The following KIFC3 variants were observed in gnomAD, a reference collection of about 807,000 sequenced individuals.
KIFC3 encodes kinesin family member C3.
Under a neutral mutation model 101.8 loss-of-function variants are expected in KIFC3, and 60 were observed. That is an observed-to-expected ratio of 0.59 (90% CI 0.48 to 0.73). The LOEUF (loss-of-function observed/expected upper bound fraction) is 0.73, where lower values mean the gene tolerates loss of function less well. KIFC3 is among the 30% of genes least tolerant of loss of function. KIFC3 has a pLI of 0.00. For missense variants in KIFC3, 966 were observed against 1,137.1 expected, an observed-to-expected ratio of 0.85 and a Z score of 2.16; for synonymous variants, 476 against 482.7, an observed-to-expected ratio of 0.99 and a Z score of 0.18.
chr16:57,846,699 G>A (rs1239757841), intron 1 of KIFC3, among the ~76,000 whole-genome samples: 5 of 152,320 alleles, frequency 3.3e-5, no homozygotes, highest in African/African-American at 7.2e-5. Flanking sequence ...CTGTACAACC[G>A]ATCCACTTTC....
intron 1 of KIFC3, among the ~76,000 whole-genome samples, chr16:57,833,895 G>A (rs2055634453): frequency 7.9e-6 from 1 of 126,324 alleles, no homozygotes; most frequent in Non-Finnish European, 1.6e-5. Flanking sequence ...TTGAGTCTGA[G>A]TCTTGCTCTG....
chr16:57,813,710 C>T (rs1372411569), intron 1 of KIFC3: 11 of 984,402 alleles, frequency 1.1e-5, no homozygotes, highest in African/African-American at 3.5e-5. Flanking sequence ...TCCCTGCACC[C>T]GGGCACCACT....
chr16:57,770,680 C>T lies in KIFC3; in HGVS notation c.786G>A (p.Glu262=). 2 of 1,530,090 alleles carry T rather than the reference C, an allele frequency of 1.3e-6. No individual in the cohort carries two copies. The highest frequency in any genetic ancestry group is 1.8e-6 in the Non-Finnish European group (2 of 1,136,622). The allele number at this position is 1,530,090 out of a possible 1,614,324, so 94.8% of individuals were successfully genotyped here. The change falls in exon 7 of 20, where the codon GAG becomes GAA. Residue 262 remains glutamate (E), a synonymous_variant. Coordinates refer to ENST00000445690, the MANE Select transcript of KIFC3 (RefSeq NM_001130100.2). ...CCTGCTTGGTCTTGGACGACTCCAC[C>T]TCCACTGTCTTGATGACATACTGCA... The part of the protein sequence containing the change: ...PPVKYVIKTV[E]VESSKTKQAL...
At chr16:57,776,207 T>G in intron 3 of KIFC3, 1 of 985,512 alleles carries the variant, frequency 1.0e-6, no homozygotes, top group Non-Finnish European at 1.2e-6. Context: ...GCTGCTGAGC[T>G]GGGAAGGCCA....
chr16:57,828,682 G>A (rs1218495728), intron 1 of KIFC3, among the ~76,000 whole-genome samples: 2 of 152,180 alleles, frequency 1.3e-5, no homozygotes, highest in African/African-American at 4.8e-5. Context: ...TTATGATGCT[G>A]GAGCAGGAAG....
At chr16:57,814,745 C>T (rs940758202) in intron 1 of KIFC3, among the ~76,000 whole-genome samples, 3 of 152,042 alleles carry the variant, frequency 2.0e-5, no homozygotes, top group Admixed American at 6.6e-5. Flanking sequence ...CGTGTCTCAG[C>T]GTCCCAAGTA....
At chr16:57,759,215 C>A in intron 18 of KIFC3, 62 bp from the exon 19 acceptor site, 3 of 1,537,182 alleles carry the variant, frequency 2.0e-6, no homozygotes, top group South Asian at 1.2e-5. Context: ...CCCCACAAGA[C>A]CCTGCTGCTG....
intron 1 of KIFC3, among the ~76,000 whole-genome samples, chr16:57,833,207 AAT>A (rs148991422): frequency 0.18 from 27,196 of 148,884 alleles, 2,688 homozygotes; most frequent in African/African-American, 0.26. Flanking sequence ...CTCTGTCTCA[AAT>A]ATATATATAT....
chr16:57,795,187 A>C (rs71387196), intron 2 of KIFC3, 46 bp from the exon 3 acceptor site: 130,116 of 1,592,638 alleles, frequency 0.082, 5,721 homozygotes, highest in South Asian at 0.12. Flanking sequence ...ACCACTGGCC[A>C]AAGACTGCTA....
rs904100028 is a variant in KIFC3, at chr16:57,770,395, C to G, written c.939+132G>C. On this transcript the variant is annotated intron_variant, in intron 7 of 19. Transcript: ENST00000445690. ...AAACCAGACAAAACTTGCCCTGGGT[C>G]CCGTGGCCATCGGGGAGAGGAGGGA... 30 of 799,344 alleles carry G rather than the reference C, an allele frequency of 3.8e-5. No individual in the cohort carries two copies. The East Asian group carries it at 7.0e-4, about 19-fold the overall frequency. 49.5% of individuals were successfully genotyped at this position (799,344 alleles called of 1,614,324 possible).
chr16:57,839,694 G>C (rs994016128), intron 1 of KIFC3, among the ~76,000 whole-genome samples: 16 of 151,926 alleles, frequency 1.1e-4, no homozygotes, highest in Admixed American at 1.0e-3. Context: ...CACTTCCTGT[G>C]ACTTGAAAAT....
chr16:57,794,524 C>G (rs1306404664), intron 3 of KIFC3, among the ~76,000 whole-genome samples: 1 of 152,160 alleles, frequency 6.6e-6, no homozygotes, highest in Non-Finnish European at 1.5e-5. Flanking sequence ...CCGCGCCTAG[C>G]CTTACTTTGT....
At chr16:57,779,446 G>C (rs1157230921) in intron 3 of KIFC3, 1 of 152,198 alleles carries the variant, frequency 6.6e-6, no homozygotes, top group Non-Finnish European at 1.5e-5. Flanking sequence ...AAGATGAAAA[G>C]AGTTCTGGAG....
rs186055080 is a variant in KIFC3, at chr16:57,759,061, G to T, written c.*24+64C>A. On this transcript the variant is annotated intron_variant, in intron 19 of 19. Coordinates refer to ENST00000445690, the MANE Select transcript of KIFC3 (RefSeq NM_001130100.2). ...GCTCTGAACAGCAGAACGTCCCAGCGCAGCCCTGCAACCCACTGCGGGCAG... is the reference window on the plus strand; with the variant it reads ...GCTCTGAACAGCAGAACGTCCCAGCTCAGCCCTGCAACCCACTGCGGGCAG... 541 of 1,540,136 alleles carry T rather than the reference G, an allele frequency of 3.5e-4. 2 individuals are homozygous for T. The African/African-American group carries it at 5.9e-3, about 17-fold the overall frequency.
At chr16:57,781,930 A>G in intron 3 of KIFC3, 1 of 985,452 alleles carries the variant, frequency 1.0e-6, no homozygotes, top group South Asian at 4.7e-5. Flanking sequence ...CCATGGGGCC[A>G]CACAGCCTTG....
At chr16:57,775,272 C>T in intron 3 of KIFC3, 1 of 1,275,820 alleles carries the variant, frequency 7.8e-7, no homozygotes, top group Non-Finnish European at 9.9e-7. Context: ...CCCCTTTGTT[C>T]AGAGGTGTCA....
chr16:57,784,165 GGTATC>G (rs2053065773), intron 3 of KIFC3, among the ~76,000 whole-genome samples: 1 of 152,238 alleles, frequency 6.6e-6, no homozygotes, highest in Non-Finnish European at 1.5e-5. Context: ...TGTCCACTGG[GGTATC>G]CCCCGTGCCC....
intron 3 of KIFC3, chr16:57,788,700 T>C: frequency 3.9e-6 from 5 of 1,289,630 alleles, no homozygotes; most frequent in Non-Finnish European, 5.1e-6. Context: ...GCACCCCTTG[T>C]CCTGCAGGGC....
chr16:57,778,290 AC>A (rs2149050915), intron 3 of KIFC3, among the ~76,000 whole-genome samples: 1 of 152,352 alleles, frequency 6.6e-6, no homozygotes, highest in Admixed American at 6.5e-5. Flanking sequence ...AAAACAAAAA[AC>A]AAAAAACCCC....
Sources: allele counts gnomAD v4.1 joint callset (sites outside exome capture counted in the v4.1 genomes callset), GRCh38; gene constraint gnomAD v4.1.1; transcripts MANE v1.5; gene names NCBI Gene and HGNC (gene_info 2026-07-23, HGNC 2026-07-21).